The following PSD3 variants were observed in gnomAD, a reference collection of about 807,000 sequenced individuals.
The protein encoded by PSD3 is pleckstrin and Sec7 domain containing 3.
In PSD3, 49 loss-of-function variants were observed where a neutral mutation model predicts 105.5. That is an observed-to-expected ratio of 0.46 (90% CI 0.37 to 0.59). The LOEUF is 0.59. Among genes scored for constraint, PSD3 ranks in the 20% least tolerant of loss-of-function variants. The probability of loss-of-function intolerance (pLI) is 0.00; values close to 1 mark genes in which losing one functional copy is unlikely to be tolerated. For synonymous variants in PSD3, 557 were observed against 457.8 expected (o/e 1.22, Z -2.77); for missense variants, 1,561 against 1,263.8 (o/e 1.24, Z -3.57).
chr8:19,036,140 G>A (rs376980926), intron 1 of PSD3, among the ~76,000 whole-genome samples: 9 of 152,246 alleles, frequency 5.9e-5, no homozygotes, highest in African/African-American at 2.2e-4. Context: ...AAAGGAGGAC[G>A]GAGATTGCCG....
chr8:19,002,810 C>G (rs1235940057), intron 1 of PSD3, among the ~76,000 whole-genome samples: 1 of 151,958 alleles, frequency 6.6e-6, no homozygotes. Context: ...GATGCAGAAC[C>G]CATAGAAACA....
intron 8 of PSD3, among the ~76,000 whole-genome samples, chr8:18,784,301 T>C (rs1403371726): frequency 1.3e-5 from 2 of 152,218 alleles, no homozygotes; most frequent in East Asian, 1.9e-4. Context: ...CTGTCCATTG[T>C]TCTTTCACGG....
chr8:18,800,884 C>G (rs956883168), intron 7 of PSD3: 1 of 153,740 alleles, frequency 6.5e-6, no homozygotes, highest in Non-Finnish European at 1.4e-5. Context: ...AATAAGAAAA[C>G]TGAAATTTCA....
chr8:18,534,098 G>C lies in PSD3; in HGVS notation c.*1645C>G, dbSNP rs1309788555. 2 of 152,164 alleles carry C rather than the reference G, an allele frequency of 1.3e-5. No homozygotes were observed. Among genetic ancestry groups the C allele is most frequent in the African/African-American group, 2.4e-5 (1 of 41,436 alleles). The allele number at this position is 152,164 out of a possible 1,614,324, so 9.4% of individuals were successfully genotyped here. A position where few individuals can be genotyped will look rare whatever the true frequency, so the allele number is the denominator to read the frequency against. ...GTACATCATAATAACATACCACTTAGACACTACCATGGCTTTACAGCAGGT... is the reference window on the plus strand; with the variant it reads ...GTACATCATAATAACATACCACTTACACACTACCATGGCTTTACAGCAGGT... On this transcript the variant is annotated 3_prime_UTR_variant, in exon 16 of 16. Transcript: ENST00000327040.
intron 9 of PSD3, among the ~76,000 whole-genome samples, chr8:18,749,456 T>C (rs1373242503): frequency 6.6e-6 from 1 of 152,262 alleles, no homozygotes; most frequent in African/African-American, 2.4e-5. Context: ...TGCAGGATTT[T>C]AAAGATGCTG....
chr8:18,877,282 A>G (rs1384794096), intron 2 of PSD3, among the ~76,000 whole-genome samples: 1 of 152,158 alleles, frequency 6.6e-6, no homozygotes, highest in Non-Finnish European at 1.5e-5. Context: ...GTCTTCTAAG[A>G]GTTTTGCAGT....
At chr8:18,831,106 T>A (rs1417269549) in intron 4 of PSD3, among the ~76,000 whole-genome samples, 2 of 128,324 alleles carry the variant, frequency 1.6e-5, no homozygotes, top group Non-Finnish European at 3.1e-5. Context: ...AGTTTGCCCA[T>A]CTATAAAATG....
At chr8:19,047,877 C>A (rs951175071) in intron 1 of PSD3, among the ~76,000 whole-genome samples, 1 of 152,058 alleles carries the variant, frequency 6.6e-6, no homozygotes, top group Admixed American at 6.6e-5. Context: ...AGTCGGAAGC[C>A]CCTGCTGTCA....
intron 1 of PSD3, among the ~76,000 whole-genome samples, chr8:18,956,518 A>G (rs1346328478): frequency 6.6e-6 from 1 of 152,162 alleles, no homozygotes; most frequent in Non-Finnish European, 1.5e-5. Flanking sequence ...TTTAGTTGGT[A>G]GTCAATTTAA....
At chr8:18,970,408 A>G (rs1160990509) in intron 1 of PSD3, among the ~76,000 whole-genome samples, 1 of 151,770 alleles carries the variant, frequency 6.6e-6, no homozygotes, top group Non-Finnish European at 1.5e-5. Context: ...CGGCAAACCA[A>G]CATTCCTTAT....
rs116209824 is a variant in PSD3, at chr8:18,812,869, C to G, written c.1635-7971G>C. On this transcript the variant is annotated intron_variant, in intron 4 of 15. Transcript: ENST00000327040. ...GACCAAGATGATCCTGATGCACTGT[C>G]AGAGCTTTGAGTTACCCCTCTAACA... is the stretch of plus-strand genomic sequence containing the variant. Among the ~76,000 whole-genome samples, 822 of 152,242 alleles carry G rather than the reference C, an allele frequency of 5.4e-3. 14 individuals carry two copies. The highest frequency in any genetic ancestry group is 0.019 in the African/African-American group (792 of 41,552).
In PSD3 at chr8:18,852,630, A is replaced by T. The variant is rs192824770; in HGVS notation, c.1634+15044T>A. On this transcript the variant is annotated intron_variant, in intron 4 of 15. Transcript: ENST00000327040. ...TTTTCCTCTCCCAGCCCCCGTTGCC[A>T]CTGAAGGCTGCATTTGAGAGATGCC... Among the ~76,000 whole-genome samples, 165 of 152,274 alleles carry T rather than the reference A, an allele frequency of 1.1e-3. 2 individuals are homozygous for T. The highest frequency in any genetic ancestry group is 3.8e-3 in the African/African-American group (158 of 41,552).
intron 8 of PSD3, among the ~76,000 whole-genome samples, chr8:18,791,531 G>C (rs376645462): frequency 5.9e-5 from 9 of 152,220 alleles, no homozygotes; most frequent in African/African-American, 1.9e-4. Flanking sequence ...GCCATACGCA[G>C]AAAACTGAAA....
chr8:18,854,287 C>T (rs1815827787), intron 4 of PSD3: 1 of 152,820 alleles, frequency 6.5e-6, no homozygotes, highest in South Asian at 2.1e-4. Context: ...CACTGGATCC[C>T]TCAGGGGCTC....
At chr8:18,590,042 G>C (rs369378114) in intron 12 of PSD3, among the ~76,000 whole-genome samples, 1 of 151,528 alleles carries the variant, frequency 6.6e-6, no homozygotes, top group East Asian at 1.9e-4. Flanking sequence ...AACAAGCAAA[G>C]AAAACAACAA....
At chr8:18,571,721 T>C (rs1802152048) in intron 14 of PSD3, among the ~76,000 whole-genome samples, 2 of 152,240 alleles carry the variant, frequency 1.3e-5, no homozygotes, top group African/African-American at 4.8e-5. Context: ...ACACATCTTA[T>C]GATATCAAAG....
At chr8:18,556,383 C>CA (rs112511528) in intron 14 of PSD3, 31 bp from the exon 15 acceptor site, 59,936 of 1,296,170 alleles carry the variant, frequency 0.046, 2,065 homozygotes, top group African/African-American at 0.24. Context: ...ATTTAGCGTT[C>CA]AAAAAAAAAA....
At position 18,877,916 on chromosome 8, in the gene PSD3, A is replaced by C. The variant is rs907820626; in HGVS notation, c.131-5183T>G. 2.6e-5 allele frequency among the ~76,000 whole-genome samples: 4 copies of C among 152,152 alleles called. No individual in the cohort carries two copies. In the East Asian group the frequency reaches 7.7e-4, roughly 29 times the overall value. ...GCAGTAAGTGAAATCTGGAAGTGTG[A>C]GTCTCCTCCAACCTTGTTCTTCCTT... On this transcript the variant is annotated intron_variant, in intron 2 of 15. Coordinates refer to ENST00000327040, the MANE Select transcript of PSD3 (RefSeq NM_015310.4).
At chr8:19,067,592 G>T (rs945628948) in intron 1 of PSD3, among the ~76,000 whole-genome samples, 2 of 152,334 alleles carry the variant, frequency 1.3e-5, no homozygotes, top group East Asian at 3.9e-4. Context: ...TGGAACCACA[G>T]TCGGGTGGTT....
Sources: gnomAD v4.1 joint callset for allele counts (sites outside exome capture counted in the v4.1 genomes callset) on GRCh38, gnomAD v4.1.1 for gene constraint, MANE v1.5 for transcripts, NCBI Gene and HGNC (gene_info 2026-07-23, HGNC 2026-07-21) for gene names.